Variants in KDM2B observed in about 807,000 individuals in gnomAD.
The protein encoded by KDM2B is lysine demethylase 2B.
A neutral mutation model predicts 150.0 loss-of-function variants in KDM2B; 26 were observed. The observed-to-expected ratio is 0.17, with a 90% CI of 0.13 to 0.24. The LOEUF (loss-of-function observed/expected upper bound fraction) is 0.24, where lower values mean the gene tolerates loss of function less well. Ranked by LOEUF, KDM2B falls within the 10% of genes least tolerant of loss-of-function variation. KDM2B has a pLI of 1.00. For synonymous variants in KDM2B, 734 were observed against 729.5 expected (o/e 1.01, Z -0.10); for missense variants, 1,265 against 1,816.9 (o/e 0.70, Z 5.52).
At chr12:121,427,804 C>A (rs534092154), downstream of KDM2B, among the ~76,000 whole-genome samples, 22 of 152,264 alleles carry the variant, frequency 1.4e-4, no homozygotes, top group African/African-American at 5.1e-4. Flanking sequence ...AACCCTGAGC[C>A]CTACTTCCCT....
chr12:121,444,664 C>T, intron 14 of KDM2B, 128 bp from the exon 15 acceptor site: 1 of 769,196 alleles, frequency 1.3e-6, no homozygotes, highest in South Asian at 1.5e-5. Flanking sequence ...TATCCCGTTT[C>T]CAGGCAAAAG....
chr12:121,523,678 A>G (rs916073110), intron 8 of KDM2B, among the ~76,000 whole-genome samples: 4 of 152,230 alleles, frequency 2.6e-5, no homozygotes, highest in African/African-American at 9.6e-5. Context: ...CACCAGGGCA[A>G]CGCATGGAAC....
rs567995519 is a variant in KDM2B at position 121,518,430 on chromosome 12, C to T, written c.1047+2555G>A. Among the ~76,000 whole-genome samples the T allele has an allele frequency of 6.6e-6, 1 of 152,326 alleles. No homozygotes were observed. Among genetic ancestry groups the T allele is most frequent in the Admixed American group, 6.5e-5 (1 of 15,300 alleles). ...TTAAACAACCTGCCGCTGCTCCCAG[C>T]CCAGTCTGCCCCCAAGCCCCCGCTG... On this transcript the variant is annotated intron_variant, in intron 9 of 22. Coordinates refer to ENST00000377071, the MANE Select transcript of KDM2B (RefSeq NM_032590.5). This position sits in a 1 kb window ranked among gnomAD's most constrained non-coding sequence, Gnocchi z 4.4.
At position 121,467,887 on chromosome 12, in the gene KDM2B, G is replaced by A. The variant is rs782685299; in HGVS notation, c.1735-14543C>T. On this transcript the variant is annotated intron_variant, in intron 12 of 22. Transcript: ENST00000377071. This position sits in a 1 kb window ranked among gnomAD's most constrained non-coding sequence, Gnocchi z 5.1. ...GAAGCGCACGAACCCGGGAACCCCCGACCCAGAGCCTGCAGGACCGCTGGC... is the reference window on the plus strand; with the variant it reads ...GAAGCGCACGAACCCGGGAACCCCCAACCCAGAGCCTGCAGGACCGCTGGC... The A allele has an allele frequency of 6.6e-6, 1 of 152,318 alleles. No individual in the cohort carries two copies. The highest frequency in any genetic ancestry group is 1.5e-5 in the Non-Finnish European group (1 of 68,174). 9.4% of individuals were successfully genotyped at this position (152,318 alleles called of 1,614,324 possible).
chr12:121,578,302 C>T (rs1183876634), intron 2 of KDM2B, among the ~76,000 whole-genome samples: 1 of 152,192 alleles, frequency 6.6e-6, no homozygotes, highest in Non-Finnish European at 1.5e-5. Flanking sequence ...GGGCATCGTC[C>T]CAAACACCCG....
chr12:121,428,469 C>T (rs1402133521), downstream of KDM2B, among the ~76,000 whole-genome samples: 1 of 149,824 alleles, frequency 6.7e-6, no homozygotes, highest in Non-Finnish European at 1.5e-5. Context: ...TCCACGTGGC[C>T]TTGTCTCATT....
the KDM2B span, chr12:121,420,224 T>C: frequency 6.2e-7 from 1 of 1,608,464 alleles, no homozygotes; most frequent in Non-Finnish European, 8.5e-7. Flanking sequence ...CCTAATCAGA[T>C]ACGTTGTATA....
intron 11 of KDM2B, among the ~76,000 whole-genome samples, chr12:121,496,288 T>C (rs1883926427): frequency 6.6e-6 from 1 of 152,194 alleles, no homozygotes; most frequent in Non-Finnish European, 1.5e-5. Flanking sequence ...TGGCCCATTC[T>C]GATCCTGGAC....
At chr12:121,438,964 T>C (rs925096061) in intron 22 of KDM2B, among the ~76,000 whole-genome samples, 3 of 152,154 alleles carry the variant, frequency 2.0e-5, no homozygotes, top group African/African-American at 4.8e-5. Context: ...GCAGGCAGCA[T>C]TGCTCTGTGT....
chr12:121,509,902 G>C lies in KDM2B; in HGVS notation c.1312C>G (p.Pro438Ala). Residue 438 changes from proline (P) to alanine (A), a missense_variant, in exon 11 of 23, where the codon CCG becomes GCG. Coordinates refer to ENST00000377071, the MANE Select transcript of KDM2B (RefSeq NM_032590.5). ...EGEGRDRAPK[P>A]PTDGSTSPTS... ...GGTGAAGTGGAGCCATCGGTGGGCG[G>C]TTTGGGTGCCCTGTCCCTGCCCTCG... 1 of 1,613,066 alleles carries C rather than the reference G, an allele frequency of 6.2e-7. No individual in the cohort carries two copies. The highest frequency in any genetic ancestry group is 8.5e-7 in the Non-Finnish European group (1 of 1,179,818).
In KDM2B at chr12:121,444,202, T is replaced by A; in HGVS notation, c.2261A>T (p.Asn754Ile). 6.2e-7 allele frequency: 1 copy of A among 1,613,322 alleles called. No homozygotes were observed. Among genetic ancestry groups the A allele is most frequent in the Non-Finnish European group, 8.5e-7 (1 of 1,180,026 alleles). ...TTCCTGCCCTTCCTTGTTGTCCCGG[T>A]TCATCTTCTGCTCCTTGAGCAGGGA... is the stretch of plus-strand genomic sequence containing the variant. ...PGSLLKEQKM[N>I]RDNKEGQEPA... Residue 754 changes from asparagine (N) to isoleucine (I), a missense_variant, in exon 16 of 23, where the codon AAC becomes ATC. Physicochemically the swap from Asn to Ile is moderately radical, Grantham distance 149. This residue lies in a region of KDM2B where 38 missense variants were observed against 98.1 expected (regional missense o/e 0.39). Transcript: ENST00000377071.
the KDM2B span, chr12:121,420,475 C>T: frequency 6.4e-7 from 1 of 1,566,914 alleles, no homozygotes; most frequent in Non-Finnish European, 8.7e-7. Context: ...ACTTCTAGGA[C>T]TGCTGAGATG....
In KDM2B at chr12:121,430,676, A is replaced by G; in HGVS notation, c.3830-207T>C. ...TCACCCGCCAGGTATAAAGGTTAATATATGCCTCAAAAGCATTCAGATAAC... is the reference window on the plus strand; with the variant it reads ...TCACCCGCCAGGTATAAAGGTTAATGTATGCCTCAAAAGCATTCAGATAAC... On this transcript the variant is annotated intron_variant, in intron 22 of 22. Transcript: ENST00000377071. This position sits in a 1 kb window ranked among gnomAD's most constrained non-coding sequence, Gnocchi z 4.4. 1.7e-6 allele frequency: 1 copy of G among 585,534 alleles called. No individual in the cohort carries two copies. The highest frequency in any genetic ancestry group is 2.2e-5 in the South Asian group (1 of 45,434). The allele number at this position is 585,534 out of a possible 1,614,324, so 36.3% of individuals were successfully genotyped here.
intron 4 of KDM2B, among the ~76,000 whole-genome samples, chr12:121,573,126 A>AT (rs561026873): frequency 0.3 from 40,426 of 134,332 alleles, 6,132 homozygotes; most frequent in East Asian, 0.44. Context: ...GCCCGGCCTA[A>AT]TTTTTTTTTT....
chr12:121,575,631 C>T lies in KDM2B; in HGVS notation c.350+150G>A, dbSNP rs1334423011. 4 of 664,190 alleles carry T rather than the reference C, an allele frequency of 6.0e-6. No individual in the cohort carries two copies. The highest frequency in any genetic ancestry group is 3.6e-5 in the African/African-American group (2 of 55,694). 41.1% of individuals were successfully genotyped at this position (664,190 alleles called of 1,614,324 possible). ...TGGAGAGTGTTTCCCCTTTGTCAGG[C>T]CTTGAACAAGGAGATGCTGTTCCCA... On this transcript the variant is annotated intron_variant, in intron 3 of 22. Transcript: ENST00000377071. This position sits in a 1 kb window ranked among gnomAD's most constrained non-coding sequence, Gnocchi z 4.4.
At chr12:121,431,609 G>A (rs1321486033) in intron 22 of KDM2B, among the ~76,000 whole-genome samples, 1 of 152,152 alleles carries the variant, frequency 6.6e-6, no homozygotes, top group Non-Finnish European at 1.5e-5. Context: ...CAAGCCAGGA[G>A]GTGGTGTAAA....
intron 13 of KDM2B, among the ~76,000 whole-genome samples, chr12:121,448,195 C>T (rs1234780228): frequency 1.3e-5 from 2 of 151,328 alleles, no homozygotes; most frequent in Non-Finnish European, 2.9e-5. Context: ...TGGTGAATGC[C>T]TGTAGTCCCA....
intron 11 of KDM2B, among the ~76,000 whole-genome samples, chr12:121,502,145 G>T (rs1275960487): frequency 1.3e-5 from 2 of 152,170 alleles, no homozygotes. Flanking sequence ...TCATTCTATG[G>T]TGTCTGAAAT....
At chr12:121,570,012 G>C (rs1890976483) in intron 4 of KDM2B, among the ~76,000 whole-genome samples, 1 of 151,800 alleles carries the variant, frequency 6.6e-6, no homozygotes, top group South Asian at 2.1e-4. Flanking sequence ...ACCAAGCCCA[G>C]CTAATTTTTG....
Sources: allele counts gnomAD v4.1 joint callset (sites outside exome capture counted in the v4.1 genomes callset), GRCh38; gene constraint gnomAD v4.1.1; regional missense constraint gnomAD v4.1.1; non-coding constraint Gnocchi (gnomAD v3.1); transcripts MANE v1.5; gene names NCBI Gene and HGNC (gene_info 2026-07-23, HGNC 2026-07-21).